Variants in PDE1C observed in about 807,000 individuals in gnomAD.
PDE1C encodes the protein dual specificity calcium/calmodulin-dependent 3',5'-cyclic nucleotide phosphodiesterase 1C.
A neutral mutation model predicts 93.1 loss-of-function variants in PDE1C; 62 were observed. The ratio of observed to expected loss-of-function variants is 0.67; its 90% CI spans 0.54 to 0.82. PDE1C has a LOEUF of 0.82. Ranked by LOEUF, PDE1C falls within the 40% of genes least tolerant of loss-of-function variation. The pLI is 0.00. For synonymous variants in PDE1C, 325 were observed against 310.1 expected (o/e 1.05, Z -0.50); for missense variants, 742 against 884.6 (o/e 0.84, Z 2.04).
At chr7:32,085,147 G>T (rs983085614) in intron 3 of PDE1C, among the ~76,000 whole-genome samples, 1 of 151,316 alleles carries the variant, frequency 6.6e-6, no homozygotes, top group Admixed American at 6.6e-5. Context: ...TCAAATAGAC[G>T]CAATAAAAAA....
the PDE1C span, among the ~76,000 whole-genome samples, chr7:31,635,319 C>T: frequency 2.6e-5 from 4 of 152,164 alleles, no homozygotes; most frequent in Non-Finnish European, 4.4e-5. Context: ...AGAAACTAAA[C>T]CATCAGTAAC....
chr7:31,813,339 A>G (rs994520239), intron 15 of PDE1C, among the ~76,000 whole-genome samples: 6 of 152,088 alleles, frequency 3.9e-5, no homozygotes, highest in South Asian at 2.1e-4. Context: ...GTCACTCTAG[A>G]AGCAGCCTGC....
chr7:31,687,558 T>G, the PDE1C span, among the ~76,000 whole-genome samples: 1 of 152,192 alleles, frequency 6.6e-6, no homozygotes, highest in Non-Finnish European at 1.5e-5. Context: ...GAAGTTGGTG[T>G]ATCTGCATAT....
chr7:32,198,063 G>A (rs1018288969), intron 2 of PDE1C, among the ~76,000 whole-genome samples: 1 of 152,036 alleles, frequency 6.6e-6, no homozygotes, highest in Non-Finnish European at 1.5e-5. Flanking sequence ...ATAATGGTTA[G>A]TCCTTGTATC....
chr7:32,316,462 A>G (rs895095280), intron 1 of PDE1C, among the ~76,000 whole-genome samples: 3 of 152,206 alleles, frequency 2.0e-5, no homozygotes, highest in African/African-American at 7.2e-5. Context: ...AGCATGCGAT[A>G]CCTTGTATAT....
intron 4 of PDE1C, 99 bp downstream of exon 4, chr7:31,878,897 T>C (rs1412562948): frequency 3.3e-6 from 4 of 1,206,266 alleles, no homozygotes; most frequent in South Asian, 1.4e-5. Context: ...TCAGTATTTA[T>C]AAAGATAGGA....
chr7:32,169,558 A>G (rs1305404226), intron 3 of PDE1C, among the ~76,000 whole-genome samples: 1 of 152,170 alleles, frequency 6.6e-6, no homozygotes, highest in Non-Finnish European at 1.5e-5. Flanking sequence ...TGCCAATACC[A>G]ATTAAATACC....
At chr7:31,723,492 G>A in the PDE1C span, among the ~76,000 whole-genome samples, 1 of 152,198 alleles carries the variant, frequency 6.6e-6, no homozygotes, top group African/African-American at 2.4e-5. Flanking sequence ...GCCTCCCCAA[G>A]TCACTCAGTG....
chr7:32,054,065 G>A (rs1314817956), intron 1 of PDE1C, among the ~76,000 whole-genome samples: 1 of 151,732 alleles, frequency 6.6e-6, no homozygotes, highest in African/African-American at 2.4e-5. Context: ...AATAAGGCTG[G>A]CAAGTGCTAA....
chr7:31,708,019 G>C, the PDE1C span: 1 of 152,312 alleles, frequency 6.6e-6, no homozygotes, highest in East Asian at 1.9e-4. Flanking sequence ...TGTCACAAGT[G>C]AGTCATTATC....
intron 2 of PDE1C, among the ~76,000 whole-genome samples, chr7:31,951,747 C>G (rs1306887829): frequency 6.6e-6 from 1 of 152,188 alleles, no homozygotes; most frequent in Admixed American, 6.5e-5. Context: ...TCCCCTCAGT[C>G]TTGAAAGTCA....
chr7:31,652,772 T>A, the PDE1C span: 1 of 1,613,838 alleles, frequency 6.2e-7, no homozygotes, highest in Non-Finnish European at 8.5e-7. Flanking sequence ...CAAAGTTAGG[T>A]CCAACCCCTT....
the PDE1C span, among the ~76,000 whole-genome samples, chr7:31,625,511 C>G: frequency 1.3e-5 from 2 of 152,124 alleles, no homozygotes; most frequent in African/African-American, 4.8e-5. Context: ...TCTCAATAAA[C>G]TATTGCAAGA....
At chr7:31,933,379 T>C (rs1199254562) in intron 2 of PDE1C, among the ~76,000 whole-genome samples, 1 of 152,174 alleles carries the variant, frequency 6.6e-6, no homozygotes, top group Non-Finnish European at 1.5e-5. Flanking sequence ...GATGCTACAG[T>C]AAACATTGAA....
chr7:31,816,807 A>C (rs1583454688), intron 14 of PDE1C, among the ~76,000 whole-genome samples: 1 of 152,196 alleles, frequency 6.6e-6, no homozygotes, highest in Non-Finnish European at 1.5e-5. Flanking sequence ...CAAACTGTCC[A>C]CAAGATGAGA....
chr7:31,643,016 C>T, the PDE1C span: 3 of 1,613,884 alleles, frequency 1.9e-6, no homozygotes, highest in Non-Finnish European at 2.5e-6. Context: ...ATGCCCCATG[C>T]TGAGTATGAG....
At chr7:31,904,343 G>C (rs540272515) in intron 2 of PDE1C, among the ~76,000 whole-genome samples, 1 of 151,414 alleles carries the variant, frequency 6.6e-6, no homozygotes, top group African/African-American at 2.4e-5. Flanking sequence ...CAAAATTTGC[G>C]AGCAAATCAC....
the PDE1C span, among the ~76,000 whole-genome samples, chr7:31,709,736 C>T: frequency 1.3e-5 from 2 of 152,156 alleles, no homozygotes; most frequent in Admixed American, 6.5e-5. Context: ...CTTCCTTTGT[C>T]CCCTGAGGAC....
Position 31,753,552 on chromosome 7 carries a change from G to T in PDE1C, c.1962C>A (p.Val654=), listed in dbSNP as rs992466812. ...TSSTCRLTLP[V]IKPPLRHFKR... Reference sequence around the variant, plus strand: ...TAAAATGACGCAAAGGAGGCTTGATGACTGGCGGCCATGGAAAGGAAGACA... The same window carrying T: ...TAAAATGACGCAAAGGAGGCTTGATTACTGGCGGCCATGGAAAGGAAGACA... Residue 654 remains valine (V), a splice_region_variant and synonymous_variant, in exon 18 of 18, where the codon GTC becomes GTA. Transcript: ENST00000396191. 3.7e-6 allele frequency: 6 copies of T among 1,607,886 alleles called. No individual in the cohort carries two copies. The African/African-American group carries it at 8.0e-5, about 22-fold the overall frequency.
Sources: allele counts gnomAD v4.1 joint callset (sites outside exome capture counted in the v4.1 genomes callset), GRCh38; gene constraint gnomAD v4.1.1; transcripts MANE v1.5; gene names NCBI Gene and HGNC (gene_info 2026-07-23, HGNC 2026-07-21).